Variants in ENAH observed in about 807,000 individuals in gnomAD.
ENAH encodes ENAH actin regulator.
A neutral mutation model predicts 78.7 loss-of-function variants in ENAH; 23 were observed. That is an observed-to-expected ratio of 0.29 (90% CI 0.21 to 0.41). The LOEUF (loss-of-function observed/expected upper bound fraction) is 0.41, where lower values mean the gene tolerates loss of function less well. Among genes scored for constraint, ENAH ranks in the 10% least tolerant of loss-of-function variants. The pLI, the probability that ENAH is intolerant of heterozygous loss-of-function variation, is 1.00. For synonymous variants in ENAH, 226 were observed against 241.0 expected, an observed-to-expected ratio of 0.94 and a Z score of 0.58; for missense variants, 544 against 691.0, an observed-to-expected ratio of 0.79 and a Z score of 2.39.
chr1:225,586,239 C>A (rs1321904296), intron 1 of ENAH, among the ~76,000 whole-genome samples: 1 of 29,764 alleles, frequency 3.4e-5, no homozygotes, highest in East Asian at 1.0e-3. Flanking sequence ...GGGAGACAAG[C>A]TCAAAAAAAA....
intron 1 of ENAH, among the ~76,000 whole-genome samples, chr1:225,633,360 CAA>C (rs200812436): frequency 0.043 from 6,465 of 152,036 alleles, 210 homozygotes; most frequent in South Asian, 0.1. Context: ...AACTGTCACT[CAA>C]AGTCTTTAAC....
intron 11 of ENAH, chr1:225,504,945 A>C (rs755930671): frequency 5.4e-6 from 8 of 1,472,584 alleles, no homozygotes. Flanking sequence ...TATCCTGAAC[A>C]TGTTATTTAA....
At chr1:225,538,640 C>T (rs1178952734) in intron 3 of ENAH, among the ~76,000 whole-genome samples, 2 of 151,214 alleles carry the variant, frequency 1.3e-5, no homozygotes, top group East Asian at 2.0e-4. Flanking sequence ...TCTTGCAATC[C>T]TCTCCCAACT....
rs2096214064 is a variant in ENAH at position 225,489,716 on chromosome 1, A to T, written c.*8059T>A. On this transcript the variant is annotated 3_prime_UTR_variant, in exon 14 of 14. Coordinates refer to ENST00000366843, the MANE Select transcript of ENAH (RefSeq NM_018212.6). ...GTAATCCCAACACTTTGGGAGGCCA[A>T]GGTGGGTGGATCACCTGAGGTCAGG... 1 of 152,266 alleles carries T rather than the reference A, an allele frequency of 6.6e-6. No homozygotes were observed. The highest frequency in any genetic ancestry group is 2.1e-4 in the South Asian group (1 of 4,830). The allele number at this position is 152,266 out of a possible 1,614,324, so 9.4% of individuals were successfully genotyped here.
At chr1:225,522,975 G>A (rs979591088) in intron 4 of ENAH, among the ~76,000 whole-genome samples, 1 of 152,036 alleles carries the variant, frequency 6.6e-6, no homozygotes, top group Non-Finnish European at 1.5e-5. Flanking sequence ...ACAAAAATCA[G>A]TAGTTCACTG....
chr1:225,618,365 C>CA (rs949198801), intron 1 of ENAH, among the ~76,000 whole-genome samples: 3 of 152,168 alleles, frequency 2.0e-5, no homozygotes, highest in Non-Finnish European at 4.4e-5. Flanking sequence ...AAGGTTCACG[C>CA]ATCTCACTTA....
intron 1 of ENAH, among the ~76,000 whole-genome samples, chr1:225,635,398 TGATTTTTGTGTGAC>T (rs1434016294): frequency 6.6e-6 from 1 of 152,248 alleles, no homozygotes; most frequent in Non-Finnish European, 1.5e-5. Flanking sequence ...TAGAAATAAC[TGATTTTTGTGTGAC>T]GATCTTGTAC....
At chr1:225,600,093 C>G (rs979742941) in intron 1 of ENAH, among the ~76,000 whole-genome samples, 1 of 152,202 alleles carries the variant, frequency 6.6e-6, no homozygotes, top group Non-Finnish European at 1.5e-5. Flanking sequence ...ACTGGCACCA[C>G]ACTTCCTATA....
chr1:225,488,825 T>C lies in ENAH; in HGVS notation c.*8950A>G, dbSNP rs1442158700. On this transcript the variant is annotated 3_prime_UTR_variant, in exon 14 of 14. Transcript: ENST00000366843. ...CTGACTTTCTGCCAAATTATCTTTATCTTCCTAAGACGAAGCAAAGACTCA... is the reference window on the plus strand; with the variant it reads ...CTGACTTTCTGCCAAATTATCTTTACCTTCCTAAGACGAAGCAAAGACTCA... 6.6e-6 allele frequency: 1 copy of C among 152,204 alleles called. No individual in the cohort carries two copies. Among genetic ancestry groups the C allele is most frequent in the Non-Finnish European group, 1.5e-5 (1 of 68,028 alleles). 9.4% of individuals were successfully genotyped at this position (152,204 alleles called of 1,614,324 possible). A position where few individuals can be genotyped will look rare whatever the true frequency, so the allele number is the denominator to read the frequency against.
At chr1:225,521,785 TTTTTGTTTTG>T (rs894749826) in intron 4 of ENAH, among the ~76,000 whole-genome samples, 13 of 151,916 alleles carry the variant, frequency 8.6e-5, no homozygotes, top group Non-Finnish European at 1.9e-4. Flanking sequence ...AACGATAGTT[TTTTTGTTTTG>T]TTTTGTTTTT....
At chr1:225,652,542 CA>C in intron 1 of ENAH, 143 bp downstream of exon 1, 3 of 1,066,998 alleles carry the variant, frequency 2.8e-6, no homozygotes, top group Non-Finnish European at 3.6e-6. Flanking sequence ...TTGGAAGGGA[CA>C]AAAGGCGGAG....
chr1:225,619,084 C>G (rs1009959127), intron 1 of ENAH, among the ~76,000 whole-genome samples: 3 of 152,126 alleles, frequency 2.0e-5, no homozygotes, highest in Admixed American at 6.5e-5. Flanking sequence ...ACTGCATATA[C>G]AACCCAGTAC....
intron 1 of ENAH, among the ~76,000 whole-genome samples, chr1:225,628,830 T>C (rs1213714378): frequency 6.7e-6 from 1 of 148,306 alleles, no homozygotes; most frequent in Non-Finnish European, 1.5e-5. Context: ...TGCTTGAACC[T>C]GGGAGGCGGA....
chr1:225,598,452 C>T (rs1331842271), intron 1 of ENAH, among the ~76,000 whole-genome samples: 1 of 151,788 alleles, frequency 6.6e-6, no homozygotes, highest in Non-Finnish European at 1.5e-5. Context: ...TTAACATCAA[C>T]TTGACTGGGT....
At chr1:225,645,264 TG>T (rs1439319064) in intron 1 of ENAH, among the ~76,000 whole-genome samples, 1 of 152,266 alleles carries the variant, frequency 6.6e-6, no homozygotes, top group Admixed American at 6.5e-5. Flanking sequence ...CTGTCTATTC[TG>T]GGCATTTCAT....
chr1:225,566,552 T>C (rs1037102057), intron 2 of ENAH, among the ~76,000 whole-genome samples: 6 of 152,228 alleles, frequency 3.9e-5, no homozygotes, highest in African/African-American at 1.4e-4. Context: ...TCCAACATCT[T>C]TGGTAAATAT....
chr1:225,642,072 A>G (rs1398913939), intron 1 of ENAH, among the ~76,000 whole-genome samples: 1 of 151,762 alleles, frequency 6.6e-6, no homozygotes, highest in Non-Finnish European at 1.5e-5. Flanking sequence ...ATGGTGACGC[A>G]CACCTGTAAT....
chr1:225,569,966 G>C (rs1255030909), intron 1 of ENAH, among the ~76,000 whole-genome samples: 1 of 152,108 alleles, frequency 6.6e-6, no homozygotes, highest in Non-Finnish European at 1.5e-5. Context: ...AGCACTTTGG[G>C]AGGCCAAGGC....
intron 3 of ENAH, among the ~76,000 whole-genome samples, chr1:225,552,981 C>A (rs538760962): frequency 6.6e-6 from 1 of 152,256 alleles, no homozygotes; most frequent in East Asian, 1.9e-4. Context: ...TGCCTGTAAT[C>A]CCAGCACTTT....
Sources: gnomAD v4.1 joint callset for allele counts (sites outside exome capture counted in the v4.1 genomes callset) on GRCh38, gnomAD v4.1.1 for gene constraint, MANE v1.5 for transcripts, NCBI Gene and HGNC (gene_info 2026-07-23, HGNC 2026-07-21) for gene names.